The following ZNF503 variants were observed in gnomAD, a reference collection of about 807,000 sequenced individuals.
ZNF503 encodes the protein zinc finger protein 503.
Under a neutral mutation model 34.4 loss-of-function variants are expected in ZNF503, and 15 were observed. The observed-to-expected ratio is 0.44, with a 90% CI of 0.29 to 0.67. ZNF503 has a LOEUF of 0.67. ZNF503 is among the 30% of genes least tolerant of loss of function. ZNF503 has a pLI of 0.13. For synonymous variants in ZNF503, 580 were observed against 456.8 expected, an observed-to-expected ratio of 1.27 and a Z score of -3.44; for missense variants, 1,007 against 926.8, an observed-to-expected ratio of 1.09 and a Z score of -1.12.
the ZNF503 span, among the ~76,000 whole-genome samples, chr10:75,317,792 T>C: frequency 6.6e-6 from 1 of 152,086 alleles, no homozygotes; most frequent in Non-Finnish European, 1.5e-5. Flanking sequence ...GGTCAGGAGT[T>C]TGAGACCAGC....
At chr10:75,367,254 T>G in the ZNF503 span, among the ~76,000 whole-genome samples, 1 of 152,038 alleles carries the variant, frequency 6.6e-6, no homozygotes, top group Non-Finnish European at 1.5e-5. Flanking sequence ...TGATGAGACC[T>G]CCCTCTCTGG....
At chr10:75,322,199 C>T in the ZNF503 span, among the ~76,000 whole-genome samples, 1 of 150,234 alleles carries the variant, frequency 6.7e-6, no homozygotes, top group Non-Finnish European at 1.5e-5. Context: ...TCTTGGTTCA[C>T]TGCAAACTCC....
At chr10:75,348,811 C>T in the ZNF503 span, among the ~76,000 whole-genome samples, 10 of 152,282 alleles carry the variant, frequency 6.6e-5, no homozygotes, top group South Asian at 4.1e-4. Context: ...CGCACCCGGC[C>T]GCCCCTATTA....
chr10:75,391,733 T>C, the ZNF503 span, among the ~76,000 whole-genome samples: 1 of 152,150 alleles, frequency 6.6e-6, no homozygotes, highest in Non-Finnish European at 1.5e-5. Flanking sequence ...TCCTTCTGTC[T>C]TTTGTTTTTT....
the ZNF503 span, among the ~76,000 whole-genome samples, chr10:75,376,933 CAT>C: frequency 2.0e-5 from 3 of 152,194 alleles, no homozygotes; most frequent in African/African-American, 7.2e-5. Context: ...CTGCCCTTGA[CAT>C]GTGGGGATTA....
the ZNF503 span, chr10:75,382,361 A>G: frequency 3.6e-6 from 1 of 274,734 alleles, no homozygotes; most frequent in Non-Finnish European, 7.6e-6. Context: ...ATTATTTTTC[A>G]TGTTTCCTGG....
At chr10:75,362,697 GT>G in the ZNF503 span, among the ~76,000 whole-genome samples, 1 of 152,168 alleles carries the variant, frequency 6.6e-6, no homozygotes, top group Middle Eastern at 3.2e-3. Flanking sequence ...CACTAATGTG[GT>G]GCTGGTCTTG....
the ZNF503 span, among the ~76,000 whole-genome samples, chr10:75,349,993 C>T: frequency 1.3e-5 from 2 of 152,146 alleles, no homozygotes; most frequent in African/African-American, 4.8e-5. Flanking sequence ...ATTAGGTTTG[C>T]CTGATGATCC....
At chr10:75,304,208 CTTTG>C in the ZNF503 span, among the ~76,000 whole-genome samples, 1 of 152,040 alleles carries the variant, frequency 6.6e-6, no homozygotes, top group Non-Finnish European at 1.5e-5. Context: ...TTTTTTTGGT[CTTTG>C]TTTATCAGGT....
chr10:75,339,231 A>C, the ZNF503 span, among the ~76,000 whole-genome samples: 1 of 151,640 alleles, frequency 6.6e-6, no homozygotes, highest in African/African-American at 2.4e-5. Flanking sequence ...ACTCCGTCTC[A>C]AAAAAAAAGA....
At chr10:75,343,096 C>T in the ZNF503 span, 1 of 152,150 alleles carries the variant, frequency 6.6e-6, no homozygotes, top group African/African-American at 2.4e-5. Flanking sequence ...CCAAGCCTCC[C>T]CTGGACAGGT....
In ZNF503 at chr10:75,401,463, G is replaced by A. The variant is rs762840921; in HGVS notation, c.-44C>T. The A allele has an allele frequency of 2.0e-6, 3 of 1,506,784 alleles. No homozygotes were observed. Among genetic ancestry groups the A allele is most frequent in the Non-Finnish European group, 1.8e-6 (2 of 1,136,020 alleles). 93.3% of individuals were successfully genotyped at this position (1,506,784 alleles called of 1,614,324 possible). A position where few individuals can be genotyped will look rare whatever the true frequency, so the allele number is the denominator to read the frequency against. ...GGAGCAGCGGGGGGGAGGGCTCCGGGAGGCGCGGGGCGGGCTCGGGGCTGC... is the reference window on the plus strand; with the variant it reads ...GGAGCAGCGGGGGGGAGGGCTCCGGAAGGCGCGGGGCGGGCTCGGGGCTGC... On this transcript the variant is annotated 5_prime_UTR_variant, in exon 1 of 2. Transcript: ENST00000372524.
chr10:75,351,214 C>A, the ZNF503 span, among the ~76,000 whole-genome samples: 1 of 151,918 alleles, frequency 6.6e-6, no homozygotes, highest in East Asian at 1.9e-4. Flanking sequence ...CCCCTGTCAC[C>A]AAGGGTGGAG....
the ZNF503 span, among the ~76,000 whole-genome samples, chr10:75,325,236 C>A: frequency 0.011 from 1,669 of 152,210 alleles, 8 homozygotes; most frequent in Non-Finnish European, 0.018. Context: ...TGTCAAAAAT[C>A]AGCTGACTCT....
chr10:75,305,905 C>T, the ZNF503 span, among the ~76,000 whole-genome samples: 2 of 152,072 alleles, frequency 1.3e-5, no homozygotes, highest in East Asian at 1.9e-4. Context: ...ATGGGTATAC[C>T]ACATGTTGTT....
the ZNF503 span, among the ~76,000 whole-genome samples, chr10:75,291,035 T>A: frequency 6.6e-6 from 1 of 152,184 alleles, no homozygotes; most frequent in Non-Finnish European, 1.5e-5. Flanking sequence ...GAGGACCAGA[T>A]AAGCTAGAAG....
intron 1 of ZNF503, 190 bp downstream of exon 1, chr10:75,400,915 T>C (rs1372431988): frequency 1.3e-5 from 11 of 826,946 alleles, no homozygotes; most frequent in African/African-American, 3.4e-5. Context: ...CTCCCTAGCA[T>C]GCACGCCCCA....
At chr10:75,318,070 T>C in the ZNF503 span, among the ~76,000 whole-genome samples, 1 of 152,312 alleles carries the variant, frequency 6.6e-6, no homozygotes, top group South Asian at 2.1e-4. Flanking sequence ...AGATTGTAAG[T>C]ATTCCTACTA....
the ZNF503 span, among the ~76,000 whole-genome samples, chr10:75,315,620 G>A: frequency 2.6e-5 from 4 of 151,912 alleles, no homozygotes; most frequent in South Asian, 2.1e-4. Flanking sequence ...GAATCAAAGC[G>A]TAACACTACA....
Sources: gnomAD v4.1 joint callset for allele counts (sites outside exome capture counted in the v4.1 genomes callset) on GRCh38, gnomAD v4.1.1 for gene constraint, MANE v1.5 for transcripts, NCBI Gene and HGNC (gene_info 2026-07-23, HGNC 2026-07-21) for gene names.